MTPN: variants seen among roughly 807,000 people sequenced by gnomAD.
MTPN encodes granule cell differentiation protein.
MTPN carries 2 observed loss-of-function variants against 13.5 expected under a neutral mutation model. The ratio of observed to expected loss-of-function variants is 0.15; its 90% CI spans 0.06 to 0.47. The LOEUF (loss-of-function observed/expected upper bound fraction) is 0.47, where lower values mean the gene tolerates loss of function less well. Among genes scored for constraint, MTPN ranks in the 20% least tolerant of loss-of-function variants. The pLI, the probability that MTPN is intolerant of heterozygous loss-of-function variation, is 0.97. For missense variants in MTPN, 79 were observed against 137.9 expected (o/e 0.57, Z 2.14); for synonymous variants, 46 against 51.7 (o/e 0.89, Z 0.48).
At chr7:135,949,626 A>T (rs548702274) in intron 3 of MTPN, among the ~76,000 whole-genome samples, 4 of 152,202 alleles carry the variant, frequency 2.6e-5, no homozygotes, top group African/African-American at 9.6e-5. Flanking sequence ...TTTTAGAACC[A>T]TATCTTTACA....
intron 3 of MTPN, among the ~76,000 whole-genome samples, chr7:135,940,084 G>A (rs1584807746): frequency 6.6e-6 from 1 of 152,144 alleles, no homozygotes; most frequent in Non-Finnish European, 1.5e-5. Context: ...ACAGTCTTGA[G>A]AAACTACTAT....
intron 3 of MTPN, among the ~76,000 whole-genome samples, chr7:135,939,444 CTTAAAG>C (rs1345952683): frequency 5.9e-5 from 9 of 151,968 alleles, no homozygotes; most frequent in Non-Finnish European, 1.2e-4. Context: ...CTCAGACTCC[CTTAAAG>C]CTACAGGTGA....
chr7:135,966,438 A>C (rs1799606932), intron 1 of MTPN, among the ~76,000 whole-genome samples: 1 of 152,074 alleles, frequency 6.6e-6, no homozygotes, highest in South Asian at 2.1e-4. Context: ...CATATCCCTA[A>C]GCAGGGATAT....
rs1188590828 is a variant in MTPN, at chr7:135,927,991, G to A, written c.*1935C>T. 2 of 273,858 alleles carry A rather than the reference G, an allele frequency of 7.3e-6. No individual in the cohort carries two copies. The allele number at this position is 273,858 out of a possible 1,614,324, so 17.0% of individuals were successfully genotyped here. A position where few individuals can be genotyped will look rare whatever the true frequency, so the allele number is the denominator to read the frequency against. On this transcript the variant is annotated 3_prime_UTR_variant, in exon 4 of 4. Transcript: ENST00000393085. ...CCTTTAAATAGCATTATGTCAAGAGGTGAAAACAAAGGTATCAAAACACCC... is the reference window on the plus strand; with the variant it reads ...CCTTTAAATAGCATTATGTCAAGAGATGAAAACAAAGGTATCAAAACACCC...
chr7:135,932,053 G>C (rs191625835), intron 3 of MTPN, among the ~76,000 whole-genome samples: 1 of 151,978 alleles, frequency 6.6e-6, no homozygotes, highest in Non-Finnish European at 1.5e-5. Context: ...CTGTAGCCCT[G>C]TTGTGCTACC....
Position 135,951,581 on chromosome 7 carries a change from T to A in MTPN, c.122A>T (p.Tyr41Phe), listed in dbSNP as rs766498894. The change falls in exon 2 of 4, where the codon TAT (tyrosine) becomes TTT (phenylalanine). Residue 41 changes from tyrosine (Y) to phenylalanine (F), a missense_variant. Coordinates refer to ENST00000393085, the MANE Select transcript of MTPN (RefSeq NM_145808.4). ...TLEGGRKPLH[Y>F]AADCGQLEIL... ...TTCAAGCTGCCCACAATCTGCTGCATAATGAAGAGGTTTCCTTCCACCTTC... is the reference window on the plus strand; with the variant it reads ...TTCAAGCTGCCCACAATCTGCTGCAAAATGAAGAGGTTTCCTTCCACCTTC... The A allele has an allele frequency of 1.2e-6, 2 of 1,613,762 alleles. No homozygotes were observed. The highest frequency in any genetic ancestry group is 1.7e-5 in the Admixed American group (1 of 59,996).
At chr7:135,969,386 G>A (rs1276324697) in intron 1 of MTPN, among the ~76,000 whole-genome samples, 2 of 151,260 alleles carry the variant, frequency 1.3e-5, no homozygotes, top group African/African-American at 4.9e-5. Flanking sequence ...TACCAATTTA[G>A]CCATTCTAAT....
chr7:135,959,422 A>G (rs967002569), intron 1 of MTPN, among the ~76,000 whole-genome samples: 1 of 152,182 alleles, frequency 6.6e-6, no homozygotes. Flanking sequence ...TTGTGTAAAC[A>G]CTAACAATCA....
At chr7:135,972,221 GCACGCGCGCGCACACACACACACA>G (rs1799705598) in intron 1 of MTPN, among the ~76,000 whole-genome samples, 1 of 96,224 alleles carries the variant, frequency 1.0e-5, no homozygotes, top group East Asian at 3.5e-4. Flanking sequence ...GCGCACACGC[GCACGCGCGCGCACACACACACACA>G]CACACACACA....
At chr7:135,943,397 A>T (rs1012216145) in intron 3 of MTPN, among the ~76,000 whole-genome samples, 2 of 152,216 alleles carry the variant, frequency 1.3e-5, no homozygotes, top group African/African-American at 4.8e-5. Context: ...TGAGGAGTCA[A>T]CAATGCTGAT....
rs1467339934 is a variant in MTPN at position 135,929,769 on chromosome 7, T to C, written c.*157A>G. 5 of 706,366 alleles carry C rather than the reference T, an allele frequency of 7.1e-6. No homozygotes were observed. In the African/African-American group the frequency reaches 9.0e-5, roughly 13 times the overall value. The allele number at this position is 706,366 out of a possible 1,614,324, so 43.8% of individuals were successfully genotyped here. A position where few individuals can be genotyped will look rare whatever the true frequency, so the allele number is the denominator to read the frequency against. ...GCCCCTCCTCCAAAACAATTTTTTT[T>C]TTCTGGTAGTCGGATTTGTTATGAA... is the stretch of plus-strand genomic sequence containing the variant. On this transcript the variant is annotated 3_prime_UTR_variant, in exon 4 of 4. Coordinates refer to ENST00000393085, the MANE Select transcript of MTPN (RefSeq NM_145808.4).
chr7:135,953,481 A>AG (rs1799395403), intron 1 of MTPN, among the ~76,000 whole-genome samples: 1 of 152,222 alleles, frequency 6.6e-6, no homozygotes, highest in Admixed American at 6.5e-5. Context: ...CAGTACCTGC[A>AG]GCTCATGGAG....
At chr7:135,935,649 C>G (rs771585779) in intron 3 of MTPN, among the ~76,000 whole-genome samples, 1 of 152,126 alleles carries the variant, frequency 6.6e-6, no homozygotes, top group East Asian at 1.9e-4. Flanking sequence ...GGCATTCTCA[C>G]GAAATAGAAT....
chr7:135,963,114 A>C (rs1799550460), intron 1 of MTPN, among the ~76,000 whole-genome samples: 1 of 152,038 alleles, frequency 6.6e-6, no homozygotes, highest in Non-Finnish European at 1.5e-5. Flanking sequence ...AAAAGTATTA[A>C]ATTTACAAAA....
intron 3 of MTPN, among the ~76,000 whole-genome samples, chr7:135,936,379 G>C (rs566899912): frequency 1.6e-4 from 25 of 152,322 alleles, no homozygotes; most frequent in African/African-American, 5.8e-4. Flanking sequence ...CAGCTACTGG[G>C]GAGGCTGAGG....
At chr7:135,968,050 C>G (rs1799632383) in intron 1 of MTPN, among the ~76,000 whole-genome samples, 1 of 152,084 alleles carries the variant, frequency 6.6e-6, no homozygotes, top group South Asian at 2.1e-4. Context: ...CCTGCCTTGG[C>G]CTCCCAAAAT....
At chr7:135,974,254 GTTCACACCTGTGAACCAGTGCT>G in intron 1 of MTPN, among the ~76,000 whole-genome samples, 1 of 152,168 alleles carries the variant, frequency 6.6e-6, no homozygotes, top group Non-Finnish European at 1.5e-5. Flanking sequence ...GGAAAAACGG[GTTCACACCTGTGAACCAGTGCT>G]TTCACACCTG....
intron 1 of MTPN, among the ~76,000 whole-genome samples, chr7:135,972,211 GCGCACACGCGCA>G (rs745954327): frequency 1.0e-3 from 88 of 86,568 alleles, no homozygotes; most frequent in East Asian, 8.5e-3. Flanking sequence ...AAATACACAC[GCGCACACGCGCA>G]CGCGCGCGCA....
chr7:135,970,037 A>T (rs1799669303), intron 1 of MTPN, among the ~76,000 whole-genome samples: 1 of 152,208 alleles, frequency 6.6e-6, no homozygotes, highest in Non-Finnish European at 1.5e-5. Context: ...TAGTCTCAAA[A>T]GTTGTCAAGG....
Sources: allele counts gnomAD v4.1 joint callset (sites outside exome capture counted in the v4.1 genomes callset), GRCh38; gene constraint gnomAD v4.1.1; transcripts MANE v1.5; gene names NCBI Gene and HGNC (gene_info 2026-07-23, HGNC 2026-07-21).